Variants in FAR2 observed in about 807,000 individuals in gnomAD.
FAR2 encodes the protein epididymis secretory protein Li 81.
A neutral mutation model predicts 56.0 loss-of-function variants in FAR2; 19 were observed. That is an observed-to-expected ratio of 0.34 (90% CI 0.24 to 0.50). FAR2 has a LOEUF of 0.50. Ranked by LOEUF, FAR2 falls within the 20% of genes least tolerant of loss-of-function variation. The pLI is 0.98. For synonymous variants in FAR2, 219 were observed against 218.8 expected (o/e 1.00, Z -0.01); for missense variants, 508 against 642.2 (o/e 0.79, Z 2.26).
intron 1 of FAR2, among the ~76,000 whole-genome samples, chr12:29,249,415 C>T (rs1948175071): frequency 6.6e-6 from 1 of 152,174 alleles, no homozygotes. Context: ...CATTTTTCAA[C>T]ATCATTAAAT....
At chr12:29,187,662 A>C (rs917489774) in intron 1 of FAR2, among the ~76,000 whole-genome samples, 2 of 152,200 alleles carry the variant, frequency 1.3e-5, no homozygotes, top group Non-Finnish European at 2.9e-5. Context: ...TCTAGTCTAC[A>C]TATATTTTTG....
At position 29,333,929 on chromosome 12, in the gene FAR2, T is replaced by C; in HGVS notation, c.*135T>C. 1 of 722,412 alleles carries C rather than the reference T, an allele frequency of 1.4e-6. No homozygotes were observed. Among genetic ancestry groups the C allele is most frequent in the Non-Finnish European group, 2.2e-6 (1 of 460,848 alleles). The allele number at this position is 722,412 out of a possible 1,614,324, so 44.8% of individuals were successfully genotyped here. The stretch of plus-strand genomic sequence containing the variant: ...GTCACCTGTTATGTATTCGTCCCTA[T>C]TCCTTAACTATGTATTTTTATTTCA... On this transcript the variant is annotated 3_prime_UTR_variant, in exon 12 of 12. Transcript: ENST00000536681.
chr12:29,308,715 CACACAT>C (rs1347607239), intron 5 of FAR2, among the ~76,000 whole-genome samples: 7 of 129,546 alleles, frequency 5.4e-5, no homozygotes, highest in Non-Finnish European at 4.9e-5. Context: ...CACACACACA[CACACAT>C]ATATATATAT....
chr12:29,222,698 A>T (rs1307397743), intron 1 of FAR2, among the ~76,000 whole-genome samples: 1 of 152,208 alleles, frequency 6.6e-6, no homozygotes. Context: ...TCAGGAGGTC[A>T]ATGTCAAGGC....
Position 29,333,920 on chromosome 12 carries a change from T to G in FAR2, c.*126T>G. 2.5e-6 allele frequency: 2 copies of G among 809,160 alleles called. No homozygotes were observed. Among genetic ancestry groups the G allele is most frequent in the Non-Finnish European group, 3.8e-6 (2 of 525,898 alleles). The allele number at this position is 809,160 out of a possible 1,614,324, so 50.1% of individuals were successfully genotyped here. On this transcript the variant is annotated 3_prime_UTR_variant, in exon 12 of 12. Transcript: ENST00000536681. ...CTGTCAAATGTCACCTGTTATGTAT[T>G]CGTCCCTATTCCTTAACTATGTATT...
intron 2 of FAR2, among the ~76,000 whole-genome samples, chr12:29,282,673 G>A (rs1250494122): frequency 6.6e-6 from 1 of 152,016 alleles, no homozygotes; most frequent in Non-Finnish European, 1.5e-5. Flanking sequence ...CATCCCCCAG[G>A]AAATGTGATC....
intron 4 of FAR2, among the ~76,000 whole-genome samples, chr12:29,299,741 T>G (rs1949130172): frequency 6.6e-6 from 1 of 152,234 alleles, no homozygotes; most frequent in South Asian, 2.1e-4. Context: ...ACTTTCATGC[T>G]GCAGTCACAA....
intron 10 of FAR2, among the ~76,000 whole-genome samples, chr12:29,324,354 T>G (rs1450940348): frequency 2.6e-5 from 4 of 152,064 alleles, no homozygotes; most frequent in African/African-American, 9.7e-5. Context: ...ACTTCCCCAA[T>G]CTAGCAAGGC....
At chr12:29,312,550 G>A (rs1199603555) in intron 8 of FAR2, among the ~76,000 whole-genome samples, 3 of 152,064 alleles carry the variant, frequency 2.0e-5, no homozygotes, top group Non-Finnish European at 4.4e-5. Context: ...TGGTGCTGAG[G>A]AAACTATATG....
chr12:29,176,410 G>T (rs985057855), intron 1 of FAR2, among the ~76,000 whole-genome samples: 2 of 152,186 alleles, frequency 1.3e-5, no homozygotes, highest in Admixed American at 1.3e-4. Context: ...AAAGCAGGCA[G>T]GTCATCTGTC....
At chr12:29,209,692 CTGTGTGTGTGTGTGTGTG>C (rs34881464) in intron 1 of FAR2, among the ~76,000 whole-genome samples, 1 of 149,082 alleles carries the variant, frequency 6.7e-6, no homozygotes, top group Non-Finnish European at 1.5e-5. Context: ...GATGTCTGCT[CTGTGTGTGTGTGTGTGTG>C]TGTGTGTGTC....
chr12:29,200,524 C>T (rs1947394542), intron 1 of FAR2, among the ~76,000 whole-genome samples: 1 of 152,072 alleles, frequency 6.6e-6, no homozygotes. Context: ...GGTGCTTGAC[C>T]CCAGCCACTG....
chr12:29,280,017 C>T (rs572392685), intron 2 of FAR2, among the ~76,000 whole-genome samples: 3 of 152,036 alleles, frequency 2.0e-5, no homozygotes, highest in East Asian at 1.9e-4. Context: ...CTCCACCACC[C>T]GGGTTCAAGT....
chr12:29,229,989 G>C (rs1947830426), intron 1 of FAR2, among the ~76,000 whole-genome samples: 1 of 152,072 alleles, frequency 6.6e-6, no homozygotes, highest in South Asian at 2.1e-4. Flanking sequence ...CTGTGCTGGT[G>C]CTGAGGATAC....
intron 10 of FAR2, among the ~76,000 whole-genome samples, chr12:29,326,868 CT>C (rs1949656745): frequency 6.6e-6 from 1 of 152,154 alleles, no homozygotes; most frequent in South Asian, 2.1e-4. Context: ...TCTCTCACCA[CT>C]CCTATTCAAC....
intron 1 of FAR2, among the ~76,000 whole-genome samples, chr12:29,212,294 A>G (rs916948392): frequency 6.6e-6 from 1 of 152,138 alleles, no homozygotes; most frequent in African/African-American, 2.4e-5. Flanking sequence ...TGCTGAATCT[A>G]GTGACCCATT....
chr12:29,210,870 C>T (rs541319416), intron 1 of FAR2, among the ~76,000 whole-genome samples: 8 of 152,018 alleles, frequency 5.3e-5, no homozygotes, highest in South Asian at 2.1e-4. Context: ...CACTTGAACC[C>T]GGGATGCGGA....
intron 5 of FAR2, 92 bp from the exon 6 acceptor site, chr12:29,309,094 T>C (rs1949303930): frequency 3.4e-6 from 3 of 876,474 alleles, no homozygotes; most frequent in Admixed American, 3.8e-5. Context: ...TCAGTGCTCT[T>C]GTTTGAAATT....
At chr12:29,213,130 G>T (rs574824494) in intron 1 of FAR2, among the ~76,000 whole-genome samples, 3 of 152,008 alleles carry the variant, frequency 2.0e-5, no homozygotes, top group African/African-American at 4.8e-5. Context: ...TCTCTGCCTT[G>T]TAAGTCTCCT....
Sources: gnomAD v4.1 joint callset for allele counts (sites outside exome capture counted in the v4.1 genomes callset) on GRCh38, gnomAD v4.1.1 for gene constraint, MANE v1.5 for transcripts, NCBI Gene and HGNC (gene_info 2026-07-23, HGNC 2026-07-21) for gene names.